Variants in PPFIA2 observed in about 807,000 individuals in gnomAD.
PPFIA2 encodes the protein liprin-alpha-2.
In PPFIA2, 46 loss-of-function variants were observed where a neutral mutation model predicts 175.5. The observed-to-expected ratio is 0.26, with a 90% CI of 0.21 to 0.34. The LOEUF (loss-of-function observed/expected upper bound fraction) is 0.34, where lower values mean the gene tolerates loss of function less well. Ranked by LOEUF, PPFIA2 falls within the 10% of genes least tolerant of loss-of-function variation. PPFIA2 has a pLI of 1.00. For synonymous variants in PPFIA2, 568 were observed against 511.4 expected (o/e 1.11, Z -1.49); for missense variants, 1,179 against 1,506.1 (o/e 0.78, Z 3.60).
At chr12:81,545,355 C>T (rs1302479001) in intron 4 of PPFIA2, 1 of 152,116 alleles carries the variant, frequency 6.6e-6, no homozygotes, top group Non-Finnish European at 1.5e-5. Context: ...TACCCTGAGG[C>T]AGTTGTTGTT....
chr12:81,496,778 G>A (rs1018984425), intron 4 of PPFIA2, among the ~76,000 whole-genome samples: 1 of 152,110 alleles, frequency 6.6e-6, no homozygotes, highest in Non-Finnish European at 1.5e-5. Context: ...TAGCATGGGA[G>A]GTCAATGTTG....
chr12:81,484,500 T>A (rs12824951), intron 4 of PPFIA2, among the ~76,000 whole-genome samples: 45,138 of 151,720 alleles, frequency 0.3, 7,332 homozygotes, highest in African/African-American at 0.43. Context: ...ATATTCAAAA[T>A]TTTTCCAGGC....
At chr12:81,656,025 A>AT (rs1370924469) in intron 4 of PPFIA2, among the ~76,000 whole-genome samples, 12 of 151,910 alleles carry the variant, frequency 7.9e-5, no homozygotes, top group African/African-American at 2.9e-4. Flanking sequence ...TAAATCTATT[A>AT]TTTTTTGAAA....
chr12:81,327,576 G>C (rs945241298), intron 21 of PPFIA2, among the ~76,000 whole-genome samples: 2 of 151,954 alleles, frequency 1.3e-5, no homozygotes, highest in African/African-American at 4.8e-5. Context: ...TAAAATTCTT[G>C]AATGGTCCAT....
chr12:81,349,214 C>T (rs960629426), intron 17 of PPFIA2, among the ~76,000 whole-genome samples: 1 of 152,002 alleles, frequency 6.6e-6, no homozygotes, highest in African/African-American at 2.4e-5. Context: ...TGTTTGCTGG[C>T]CAGGCAGAAA....
At position 81,289,299 on chromosome 12, in the gene PPFIA2, T is replaced by A. The variant is rs146489302; in HGVS notation, c.2926-4996A>T. Among the ~76,000 whole-genome samples the A allele has an allele frequency of 2.0e-4, 30 of 151,998 alleles. 1 individual carries two copies. Among genetic ancestry groups the A allele is most frequent in the African/African-American group, 6.5e-4 (27 of 41,540 alleles). On this transcript the variant is annotated intron_variant, in intron 24 of 32. Transcript: ENST00000549396. ...TACTCTGTAGGTCTCTGTATTACACTGAGCTGACTAATGCCTATCTTACAC... is the reference window on the plus strand; with the variant it reads ...TACTCTGTAGGTCTCTGTATTACACAGAGCTGACTAATGCCTATCTTACAC...
intron 26 of PPFIA2, chr12:81,282,717 A>G: frequency 4.3e-6 from 1 of 232,246 alleles, no homozygotes; most frequent in Non-Finnish European, 8.4e-6. Context: ...GATTAAATAT[A>G]TACAGGAGTG....
chr12:81,701,538 G>A (rs2076480347), intron 3 of PPFIA2, among the ~76,000 whole-genome samples: 1 of 152,124 alleles, frequency 6.6e-6, no homozygotes, highest in Admixed American at 6.6e-5. Context: ...TCAAATCACG[G>A]CTCTGAAACT....
At chr12:81,529,039 G>A (rs2064115567) in intron 4 of PPFIA2, among the ~76,000 whole-genome samples, 1 of 151,994 alleles carries the variant, frequency 6.6e-6, no homozygotes, top group African/African-American at 2.4e-5. Context: ...TTTAGAAGAA[G>A]AAATGAAAAC....
At chr12:81,655,132 T>C (rs969543950) in intron 4 of PPFIA2, among the ~76,000 whole-genome samples, 21 of 152,098 alleles carry the variant, frequency 1.4e-4, no homozygotes, top group African/African-American at 4.3e-4. Flanking sequence ...TTTGATTGTC[T>C]GTAGGACCTA....
intron 4 of PPFIA2, among the ~76,000 whole-genome samples, chr12:81,581,115 G>A (rs2074337164): frequency 6.7e-6 from 1 of 149,068 alleles, no homozygotes; most frequent in Admixed American, 6.7e-5. Flanking sequence ...GAAAGTGTTA[G>A]AAGAAGTGAG....
At chr12:81,567,790 C>T (rs1180690299) in intron 4 of PPFIA2, among the ~76,000 whole-genome samples, 4 of 152,194 alleles carry the variant, frequency 2.6e-5, no homozygotes, top group African/African-American at 7.2e-5. Context: ...GTCCTTTCTA[C>T]TGAAACTGTA....
At chr12:81,399,150 C>A (rs73356631) in intron 8 of PPFIA2, among the ~76,000 whole-genome samples, 14,151 of 151,864 alleles carry the variant, frequency 0.093, 845 homozygotes, top group African/African-American at 0.16. Flanking sequence ...GGAAAAAGAA[C>A]TTATTCTTGT....
At chr12:81,565,321 C>T (rs2071059971) in intron 4 of PPFIA2, among the ~76,000 whole-genome samples, 1 of 152,144 alleles carries the variant, frequency 6.6e-6, no homozygotes, top group Non-Finnish European at 1.5e-5. Context: ...ACTGGCCTAG[C>T]CTCCCAGCCT....
chr12:81,567,782 C>T (rs2071641410), intron 4 of PPFIA2, among the ~76,000 whole-genome samples: 1 of 152,144 alleles, frequency 6.6e-6, no homozygotes, highest in African/African-American at 2.4e-5. Context: ...TGATTTGTGT[C>T]CTTTCTACTG....
chr12:81,405,967 A>T, intron 7 of PPFIA2, 64 bp from the exon 8 acceptor site: 1 of 869,662 alleles, frequency 1.1e-6, no homozygotes, highest in East Asian at 2.8e-5. Context: ...AAAGAAAATG[A>T]ATTTACTTCA....
intron 3 of PPFIA2, among the ~76,000 whole-genome samples, chr12:81,700,443 T>C (rs536159843): frequency 2.0e-5 from 3 of 152,232 alleles, no homozygotes; most frequent in Admixed American, 1.3e-4. Context: ...ATATAAAATC[T>C]GTCATAACAT....
intron 4 of PPFIA2, among the ~76,000 whole-genome samples, chr12:81,519,044 T>C (rs2062799837): frequency 6.6e-6 from 1 of 152,174 alleles, no homozygotes; most frequent in Non-Finnish European, 1.5e-5. Context: ...AATAAACAAA[T>C]GTATTCTATT....
At chr12:81,324,036 T>A (rs574643306) in intron 22 of PPFIA2, among the ~76,000 whole-genome samples, 1 of 152,050 alleles carries the variant, frequency 6.6e-6, no homozygotes, top group African/African-American at 2.4e-5. Flanking sequence ...TTCTTAATAT[T>A]CTTCTTAATA....
Sources: allele counts gnomAD v4.1 joint callset (sites outside exome capture counted in the v4.1 genomes callset), GRCh38; gene constraint gnomAD v4.1.1; transcripts MANE v1.5; gene names NCBI Gene and HGNC (gene_info 2026-07-23, HGNC 2026-07-21).